PTN: variants seen among roughly 807,000 people sequenced by gnomAD.
PTN encodes the protein pleiotrophin.
PTN carries 18 observed loss-of-function variants against 24.1 expected under a neutral mutation model. The ratio of observed to expected loss-of-function variants is 0.75; its 90% CI spans 0.52 to 1.11. The LOEUF (loss-of-function observed/expected upper bound fraction) is 1.11. Ranked by LOEUF, PTN falls within the 50% of genes least tolerant of loss-of-function variation. The pLI, the probability that PTN is intolerant of heterozygous loss-of-function variation, is 0.00. For missense variants in PTN, 163 were observed against 198.8 expected, an observed-to-expected ratio of 0.82 and a Z score of 1.08; for synonymous variants, 78 against 68.6, an observed-to-expected ratio of 1.14 and a Z score of -0.67.
intron 1 of PTN, among the ~76,000 whole-genome samples, chr7:137,264,495 C>A (rs1809102517): frequency 6.6e-6 from 1 of 152,186 alleles, no homozygotes; most frequent in South Asian, 2.1e-4. Context: ...TTGTCGTCTT[C>A]TTCAGAATCA....
At chr7:137,312,511 A>G (rs927795961) in intron 1 of PTN, among the ~76,000 whole-genome samples, 1 of 152,230 alleles carries the variant, frequency 6.6e-6, no homozygotes, top group African/African-American at 2.4e-5. Flanking sequence ...CACAGGTTCT[A>G]AGCTACGCTT....
At chr7:137,257,730 A>G (rs1284095948) in intron 1 of PTN, among the ~76,000 whole-genome samples, 2 of 152,190 alleles carry the variant, frequency 1.3e-5, no homozygotes, top group Admixed American at 1.3e-4. Flanking sequence ...TGCATTTTCA[A>G]CAGTTACTTA....
intron 1 of PTN, among the ~76,000 whole-genome samples, chr7:137,337,748 T>C (rs1366157700): frequency 6.6e-6 from 1 of 151,996 alleles, no homozygotes; most frequent in Non-Finnish European, 1.5e-5. Flanking sequence ...GTGGGAGAAG[T>C]TTCTGGAGGT....
At chr7:137,257,329 A>G (rs1808951247) in intron 1 of PTN, among the ~76,000 whole-genome samples, 1 of 152,176 alleles carries the variant, frequency 6.6e-6, no homozygotes, top group Non-Finnish European at 1.5e-5. Flanking sequence ...AATCGCAGTT[A>G]CTTTTGCACC....
At chr7:137,256,378 C>G (rs1808925329) in intron 1 of PTN, among the ~76,000 whole-genome samples, 1 of 152,126 alleles carries the variant, frequency 6.6e-6, no homozygotes, top group Admixed American at 6.5e-5. Context: ...CATGTCTTCT[C>G]AATGTTCAAC....
chr7:137,322,126 T>C (rs1395644165), intron 1 of PTN, among the ~76,000 whole-genome samples: 1 of 152,318 alleles, frequency 6.6e-6, no homozygotes, highest in South Asian at 2.1e-4. Flanking sequence ...TTTTATTTTC[T>C]TCCTTACTAC....
At chr7:137,278,306 CAAAAAAAAAAAAAAAAAAAAAAA>C (rs71176391) in intron 1 of PTN, among the ~76,000 whole-genome samples, 10 of 62,844 alleles carry the variant, frequency 1.6e-4, no homozygotes, top group Non-Finnish European at 2.5e-4. Context: ...GACTCCGTCT[CAAAAAAAAAAAAAAAAAAAAAAA>C]AAAAAAAAAT....
chr7:137,254,565 G>A (rs1339523777), intron 2 of PTN, among the ~76,000 whole-genome samples: 1 of 151,524 alleles, frequency 6.6e-6, no homozygotes, highest in Non-Finnish European at 1.5e-5. Flanking sequence ...AGGTAGAGAG[G>A]TAAATAATAA....
At chr7:137,285,214 A>C (rs1398102268) in intron 1 of PTN, among the ~76,000 whole-genome samples, 2 of 152,214 alleles carry the variant, frequency 1.3e-5, no homozygotes, top group African/African-American at 4.8e-5. Flanking sequence ...GTGAGAAATG[A>C]GGTTGAATTC....
chr7:137,270,342 G>C (rs927478814), intron 1 of PTN, among the ~76,000 whole-genome samples: 1 of 152,170 alleles, frequency 6.6e-6, no homozygotes, highest in South Asian at 2.1e-4. Context: ...CTTATAGCTA[G>C]AAGTTCTTTT....
intron 1 of PTN, among the ~76,000 whole-genome samples, chr7:137,312,936 G>A (rs532322389): frequency 6.6e-6 from 1 of 152,190 alleles, no homozygotes; most frequent in East Asian, 1.9e-4. Context: ...AATGAAAACT[G>A]TAAAATAATT....
chr7:137,311,306 G>C (rs921576805), intron 1 of PTN, among the ~76,000 whole-genome samples: 2 of 149,914 alleles, frequency 1.3e-5, no homozygotes, highest in Admixed American at 1.3e-4. Context: ...GAAAAAAAAT[G>C]TTGTGATTGG....
At chr7:137,331,613 C>A (rs1195258248) in intron 1 of PTN, among the ~76,000 whole-genome samples, 1 of 152,204 alleles carries the variant, frequency 6.6e-6, no homozygotes. Flanking sequence ...TGGAGCGACA[C>A]GCATCAAAGA....
Position 137,343,664 on chromosome 7 carries a change from C to T in PTN, c.-227G>A, listed in dbSNP as rs769355374. 13 of 515,612 alleles carry T rather than the reference C, an allele frequency of 2.5e-5. No homozygotes were observed. The highest frequency in any genetic ancestry group is 9.7e-5 in the African/African-American group (5 of 51,784). 31.9% of individuals were successfully genotyped at this position (515,612 alleles called of 1,614,324 possible). On this transcript the variant is annotated 5_prime_UTR_variant, in exon 1 of 5. Coordinates refer to ENST00000348225, the MANE Select transcript of PTN (RefSeq NM_002825.7). Reference sequence around the variant, plus strand: ...TTGGCGGGATTTTTGGACTGGAAGGCGGGGAACCTGATCCTGCCTTTGACT... The same window carrying T: ...TTGGCGGGATTTTTGGACTGGAAGGTGGGGAACCTGATCCTGCCTTTGACT...
chr7:137,305,601 T>C (rs1012665705), intron 1 of PTN, among the ~76,000 whole-genome samples: 5 of 152,112 alleles, frequency 3.3e-5, no homozygotes, highest in Non-Finnish European at 7.4e-5. Flanking sequence ...ACTATTTGCA[T>C]TCTTCCTCTT....
At chr7:137,306,606 T>C (rs1404781265) in intron 1 of PTN, among the ~76,000 whole-genome samples, 1 of 151,378 alleles carries the variant, frequency 6.6e-6, no homozygotes, top group African/African-American at 2.4e-5. Context: ...AACTCACCAA[T>C]TTTTTTTTGT....
At chr7:137,253,436 G>A (rs377532659) in intron 3 of PTN, 28 bp downstream of exon 3, 1 of 1,554,600 alleles carries the variant, frequency 6.4e-7, no homozygotes, top group Non-Finnish European at 8.7e-7. Flanking sequence ...CTCAGAGTAG[G>A]AGATTAACTC....
At chr7:137,238,722 T>A (rs1331263413) in intron 4 of PTN, among the ~76,000 whole-genome samples, 1 of 152,194 alleles carries the variant, frequency 6.6e-6, no homozygotes, top group East Asian at 1.9e-4. Context: ...CCTTAGTGTG[T>A]TATTTTGTAA....
intron 1 of PTN, among the ~76,000 whole-genome samples, chr7:137,290,320 A>G (rs1382218360): frequency 6.6e-6 from 1 of 152,190 alleles, no homozygotes; most frequent in Non-Finnish European, 1.5e-5. Flanking sequence ...ATAAAAACAA[A>G]TGGTGTTCTA....
Sources: allele counts gnomAD v4.1 joint callset (sites outside exome capture counted in the v4.1 genomes callset), GRCh38; gene constraint gnomAD v4.1.1; transcripts MANE v1.5; gene names NCBI Gene and HGNC (gene_info 2026-07-23, HGNC 2026-07-21).